Variants in CACNA2D4 observed in about 807,000 individuals in gnomAD.
The protein encoded by CACNA2D4 is calcium voltage-gated channel auxiliary subunit alpha2delta 4.
In CACNA2D4, 157 loss-of-function variants were observed where a neutral mutation model predicts 163.8. That is an observed-to-expected ratio of 0.96 (90% CI 0.84 to 1.09). The LOEUF is 1.09. CACNA2D4 is among the 50% of genes least tolerant of loss of function. The pLI is 0.00. For synonymous variants in CACNA2D4, 598 were observed against 586.9 expected (o/e 1.02, Z -0.27); for missense variants, 1,410 against 1,479.9 (o/e 0.95, Z 0.78).
At chr12:1,903,332 G>A (rs993146081) in intron 6 of CACNA2D4, among the ~76,000 whole-genome samples, 3 of 151,792 alleles carry the variant, frequency 2.0e-5, no homozygotes, top group Admixed American at 1.3e-4. Flanking sequence ...AATACCCCAT[G>A]AGCACATGCA....
At chr12:1,910,780 A>G (rs1014740969) in intron 3 of CACNA2D4, among the ~76,000 whole-genome samples, 4 of 152,342 alleles carry the variant, frequency 2.6e-5, no homozygotes, top group African/African-American at 7.2e-5. Context: ...GATTCCATTT[A>G]TGTGAAATAC....
At position 1,802,420 on chromosome 12, in the gene CACNA2D4, T is replaced by G. The variant is rs972512903; in HGVS notation, c.2722-776A>C. On this transcript the variant is annotated intron_variant, in intron 29 of 37. Transcript: ENST00000382722. This position sits in a 1 kb window ranked among gnomAD's most constrained non-coding sequence, Gnocchi z 4.7. ...CTCCTGCCCCCGGCTCCCCTTTTGT[T>G]GTCCATCAGCCAGCACTTTGTGGCT... 2.6e-5 allele frequency among the ~76,000 whole-genome samples: 4 copies of G among 152,206 alleles called. No individual in the cohort carries two copies. Among genetic ancestry groups the G allele is most frequent in the Non-Finnish European group, 4.4e-5 (3 of 68,040 alleles).
At chr12:1,821,133 G>A (rs781399171) in intron 26 of CACNA2D4, among the ~76,000 whole-genome samples, 4 of 152,228 alleles carry the variant, frequency 2.6e-5, no homozygotes, top group Non-Finnish European at 4.4e-5. Flanking sequence ...TGCAGCATGG[G>A]AGAAGCAGCC....
At chr12:1,914,464 G>A (rs1007409570) in intron 2 of CACNA2D4, among the ~76,000 whole-genome samples, 4 of 152,092 alleles carry the variant, frequency 2.6e-5, no homozygotes, top group East Asian at 1.9e-4. Context: ...CACCTTCTAC[G>A]GCCCGAGCAG....
intron 26 of CACNA2D4, 170 bp from the exon 27 acceptor site, chr12:1,811,893 G>T: frequency 1.7e-6 from 1 of 603,552 alleles, no homozygotes; most frequent in Non-Finnish European, 2.9e-6. Flanking sequence ...TGGGGAGTGG[G>T]AGGGGTGGGG....
intron 16 of CACNA2D4, among the ~76,000 whole-genome samples, chr12:1,876,501 G>A (rs937399796): frequency 6.6e-6 from 1 of 152,214 alleles, no homozygotes; most frequent in African/African-American, 2.4e-5. Context: ...TATCATTGAG[G>A]TAAATTAAGG....
chr12:1,822,567 C>G (rs1317413016), intron 26 of CACNA2D4, among the ~76,000 whole-genome samples: 1 of 152,180 alleles, frequency 6.6e-6, no homozygotes, highest in Admixed American at 6.5e-5. Flanking sequence ...CAGGAGGCTT[C>G]TCTGTTCTGC....
rs117964896 is a variant in CACNA2D4 at position 1,869,343 on chromosome 12, C to T, written c.1878+5261G>A. ...GCCACTCTTTGCTGTAACCTACCGT[C>T]GTGCTTTCTAGGCATGGGCCGAAGC... On this transcript the variant is annotated intron_variant, in intron 18 of 37. Coordinates refer to ENST00000382722, the MANE Select transcript of CACNA2D4 (RefSeq NM_172364.5). The surrounding 1 kb of genome is among the most constrained non-coding windows in gnomAD (Gnocchi z 4.7). Among the ~76,000 whole-genome samples, 160 of 152,346 alleles carry T rather than the reference C, an allele frequency of 1.1e-3. 2 individuals carry two copies. In the South Asian group the frequency reaches 0.022, roughly 21 times the overall value.
intron 26 of CACNA2D4, among the ~76,000 whole-genome samples, chr12:1,831,747 A>ACCCCCCCCCCCCCCCCCCCCCTCCTCCC (rs1555178968): frequency 8.7e-6 from 1 of 114,316 alleles, no homozygotes; most frequent in African/African-American, 3.3e-5. Flanking sequence ...TGCTCCCTCC[A>ACCCCCCCCCCCCCCCCCCCCCTCCTCCC]CCCCCACCCT....
At chr12:1,795,909 G>A in intron 35 of CACNA2D4, 129 bp from the exon 36 acceptor site, 8 of 694,442 alleles carry the variant, frequency 1.2e-5, no homozygotes, top group Non-Finnish European at 1.8e-5. Context: ...GAGGCAGGGC[G>A]GGTCGGGGCA....
At chr12:1,913,938 G>A (rs994800140) in intron 2 of CACNA2D4, among the ~76,000 whole-genome samples, 3 of 152,228 alleles carry the variant, frequency 2.0e-5, no homozygotes, top group Admixed American at 6.5e-5. Context: ...CATCCGTACT[G>A]CTCTATGCTC....
intron 2 of CACNA2D4, among the ~76,000 whole-genome samples, chr12:1,914,367 A>G (rs956464896): frequency 3.9e-5 from 6 of 152,196 alleles, no homozygotes; most frequent in Admixed American, 6.5e-5. Context: ...AAAGCAATGC[A>G]TATTAAGGGG....
chr12:1,860,215 G>C lies in CACNA2D4; in HGVS notation c.1879-9C>G, dbSNP rs760499058. 8.1e-6 allele frequency: 13 copies of C among 1,612,154 alleles called. No individual in the cohort carries two copies. Among genetic ancestry groups the C allele is most frequent in the Non-Finnish European group, 1.1e-5 (13 of 1,178,824 alleles). On this transcript the variant is annotated splice_polypyrimidine_tract_variant and intron_variant, in intron 18 of 37. Transcript: ENST00000382722. Reference sequence around the variant, plus strand: ...AGGAAAAGAACTCGCTTCTGAAAGAGTAGACAAGGAAAGAGTGCTCACGCA... The same window carrying C: ...AGGAAAAGAACTCGCTTCTGAAAGACTAGACAAGGAAAGAGTGCTCACGCA...
chr12:1,870,754 G>A (rs1000827904), intron 18 of CACNA2D4, among the ~76,000 whole-genome samples: 1 of 152,058 alleles, frequency 6.6e-6, no homozygotes, highest in Admixed American at 6.6e-5. Flanking sequence ...GAAGGGGTGT[G>A]GGGGGTTGGG....
intron 18 of CACNA2D4, among the ~76,000 whole-genome samples, chr12:1,861,577 G>A (rs183512398): frequency 4.6e-5 from 7 of 151,984 alleles, no homozygotes; most frequent in Admixed American, 4.6e-4. Context: ...AGAGTAGCTG[G>A]GATTACAGGC....
chr12:1,858,111 C>T (rs183749336), intron 20 of CACNA2D4, among the ~76,000 whole-genome samples: 3 of 152,284 alleles, frequency 2.0e-5, no homozygotes, highest in East Asian at 1.9e-4. Context: ...TTCCAGCCTC[C>T]AGAACCGTGA....
chr12:1,814,229 T>A (rs866242206), intron 26 of CACNA2D4, among the ~76,000 whole-genome samples: 1 of 152,176 alleles, frequency 6.6e-6, no homozygotes, highest in African/African-American at 2.4e-5. Context: ...GAAGGAATTC[T>A]ACGATTCTAA....
chr12:1,803,639 G>A (rs1048018188), intron 29 of CACNA2D4, among the ~76,000 whole-genome samples: 1 of 152,214 alleles, frequency 6.6e-6, no homozygotes, highest in Admixed American at 6.5e-5. Context: ...TAAGCAGCAG[G>A]AAAACAGATT....
chr12:1,865,215 T>C (rs1865620603), intron 18 of CACNA2D4, among the ~76,000 whole-genome samples: 1 of 152,198 alleles, frequency 6.6e-6, no homozygotes, highest in South Asian at 2.1e-4. Flanking sequence ...GAAGCTGCTG[T>C]TGGAAATCTA....
Sources: allele counts gnomAD v4.1 joint callset (sites outside exome capture counted in the v4.1 genomes callset), GRCh38; gene constraint gnomAD v4.1.1; non-coding constraint Gnocchi (gnomAD v3.1); transcripts MANE v1.5; gene names NCBI Gene and HGNC (gene_info 2026-07-23, HGNC 2026-07-21).